Variants in PIK3C2A observed in about 807,000 individuals in gnomAD.
PIK3C2A encodes the protein phosphatidylinositol-4-phosphate 3-kinase catalytic subunit type 2 alpha.
PIK3C2A carries 97 observed loss-of-function variants against 204.5 expected under a neutral mutation model. That is an observed-to-expected ratio of 0.47 (90% CI 0.40 to 0.56). The LOEUF is 0.56. Ranked by LOEUF, PIK3C2A falls within the 20% of genes least tolerant of loss-of-function variation. The pLI, the probability that PIK3C2A is intolerant of heterozygous loss-of-function variation, is 0.00. For synonymous variants in PIK3C2A, 653 were observed against 664.4 expected, an observed-to-expected ratio of 0.98 and a Z score of 0.26; for missense variants, 1,735 against 1,969.2, an observed-to-expected ratio of 0.88 and a Z score of 2.25.
intron 13 of PIK3C2A, among the ~76,000 whole-genome samples, chr11:17,126,598 A>G (rs890446844): frequency 1.8e-4 from 28 of 152,180 alleles, no homozygotes; most frequent in African/African-American, 6.8e-4. Context: ...GTTTCTCTAC[A>G]TGTACTAATG....
intron 2 of PIK3C2A, among the ~76,000 whole-genome samples, chr11:17,163,342 CTTGT>C (rs1850844728): frequency 6.6e-6 from 1 of 152,102 alleles, no homozygotes; most frequent in African/African-American, 2.4e-5. Flanking sequence ...ACAAATAGGA[CTTGT>C]TTAATTTTAA....
At chr11:17,168,554 C>T (rs1365093815) in intron 2 of PIK3C2A, 123 bp downstream of exon 2, 5 of 699,246 alleles carry the variant, frequency 7.2e-6, no homozygotes, top group Non-Finnish European at 1.2e-5. Flanking sequence ...GCACTCCAGC[C>T]TGGGCGACAG....
chr11:17,188,488 T>C (rs868277558), intron 1 of PIK3C2A, among the ~76,000 whole-genome samples: 1 of 147,270 alleles, frequency 6.8e-6, no homozygotes, highest in Middle Eastern at 3.4e-3. Context: ...AAACGTACTG[T>C]AGATGGGGAT....
intron 1 of PIK3C2A, among the ~76,000 whole-genome samples, chr11:17,179,613 A>G (rs1165999836): frequency 6.6e-6 from 1 of 152,194 alleles, no homozygotes; most frequent in East Asian, 1.9e-4. Flanking sequence ...AAGTTACAAA[A>G]AGATTAAATT....
At chr11:17,189,127 C>A (rs1292675693) in intron 1 of PIK3C2A, among the ~76,000 whole-genome samples, 1 of 146,966 alleles carries the variant, frequency 6.8e-6, no homozygotes, top group African/African-American at 2.7e-5. Flanking sequence ...AGGAGAAAGT[C>A]ATAATTCTGC....
intron 27 of PIK3C2A, among the ~76,000 whole-genome samples, 168 bp from the exon 28 acceptor site, chr11:17,094,553 G>A (rs1212734408): frequency 1.3e-5 from 2 of 151,958 alleles, no homozygotes; most frequent in Admixed American, 6.6e-5. Context: ...GTAAAAGCAC[G>A]TCTCTACTAA....
chr11:17,117,993 G>A (rs990560909), intron 18 of PIK3C2A, among the ~76,000 whole-genome samples: 40 of 150,556 alleles, frequency 2.7e-4, no homozygotes, highest in Admixed American at 7.9e-4. Flanking sequence ...GATTACAGGC[G>A]TGAGCCACCA....
At chr11:17,199,101 AGAGT>A (rs537174531) in intron 1 of PIK3C2A, among the ~76,000 whole-genome samples, 168 of 151,296 alleles carry the variant, frequency 1.1e-3, no homozygotes, top group African/African-American at 3.9e-3. Flanking sequence ...CCTGGGCAAC[AGAGT>A]GAGACACCGT....
intron 2 of PIK3C2A, among the ~76,000 whole-genome samples, chr11:17,161,848 T>C (rs953217587): frequency 6.6e-6 from 1 of 152,198 alleles, no homozygotes; most frequent in African/African-American, 2.4e-5. Context: ...AGTTTGTAAG[T>C]AGAGATGAAT....
At chr11:17,101,809 T>A (rs568087414) in intron 24 of PIK3C2A, among the ~76,000 whole-genome samples, 17 of 151,928 alleles carry the variant, frequency 1.1e-4, no homozygotes, top group East Asian at 7.9e-4. Flanking sequence ...TTCACCGTGT[T>A]AGCCAGGATG....
intron 1 of PIK3C2A, among the ~76,000 whole-genome samples, chr11:17,185,370 T>C (rs1851718078): frequency 6.6e-6 from 1 of 152,208 alleles, no homozygotes; most frequent in Non-Finnish European, 1.5e-5. Context: ...CATCAAGATT[T>C]AAGTTCTTGC....
chr11:17,148,964 G>A (rs1338262714), intron 4 of PIK3C2A, among the ~76,000 whole-genome samples, 177 bp from the exon 5 acceptor site: 1 of 152,106 alleles, frequency 6.6e-6, no homozygotes, highest in African/African-American at 2.4e-5. Context: ...ATGGAAAGAG[G>A]TGAAGCTAAT....
At chr11:17,190,749 T>C (rs562777023) in intron 1 of PIK3C2A, among the ~76,000 whole-genome samples, 80 of 151,906 alleles carry the variant, frequency 5.3e-4, no homozygotes, top group African/African-American at 1.7e-3. Flanking sequence ...AGCAGAAGGA[T>C]TGATAAACCC....
In PIK3C2A at chr11:17,129,430, C is replaced by A; in HGVS notation, c.2269G>T (p.Glu757Ter). Residue 757 changes from glutamate (E) to a stop codon, truncating the protein, a stop_gained, in exon 13 of 33, where the codon GAA becomes TAA. Transcript: ENST00000691414. LOFTEE classifies it high-confidence loss of function. ...FPIQISQLPL[E>*]SVLHLTLFGI... ...AAAAGAGTAAGGTGAAGAACTGATT[C>A]TAATGGCAATTGTGATATCTGGATA... is the stretch of plus-strand genomic sequence containing the variant. 2 of 1,609,646 alleles carry A rather than the reference C, an allele frequency of 1.2e-6. No homozygotes were observed. The highest frequency in any genetic ancestry group is 2.2e-5 in the South Asian group (2 of 90,932).
intron 3 of PIK3C2A, among the ~76,000 whole-genome samples, chr11:17,152,974 T>G (rs1276489627): frequency 6.6e-6 from 1 of 151,958 alleles, no homozygotes; most frequent in Non-Finnish European, 1.5e-5. Flanking sequence ...GTTTTTGGGG[T>G]CAAGATACTA....
chr11:17,114,287 A>T (rs1417002411), intron 20 of PIK3C2A, 74 bp downstream of exon 20: 5 of 793,646 alleles, frequency 6.3e-6, no homozygotes, highest in African/African-American at 1.7e-5. Context: ...ATTTGCCTTA[A>T]GCATACCTGC....
intron 1 of PIK3C2A, among the ~76,000 whole-genome samples, chr11:17,174,150 G>A (rs1851263865): frequency 6.6e-6 from 1 of 152,084 alleles, no homozygotes; most frequent in African/African-American, 2.4e-5. Context: ...ACAAGAGGGA[G>A]TGAGGGCTAT....
chr11:17,135,388 A>C (rs1171550153), intron 9 of PIK3C2A, among the ~76,000 whole-genome samples: 1 of 152,202 alleles, frequency 6.6e-6, no homozygotes, highest in Non-Finnish European at 1.5e-5. Flanking sequence ...ATATCACAGA[A>C]ACACAACAAA....
Position 17,168,019 on chromosome 11 carries a change from A to T in PIK3C2A, c.1065+658T>A, listed in dbSNP as rs560874289. Among the ~76,000 whole-genome samples, 27 of 151,094 alleles carry T rather than the reference A, an allele frequency of 1.8e-4. No individual in the cohort carries two copies. The South Asian group carries it at 3.2e-3, about 18-fold the overall frequency. ...AAACCAAAATTTCTTATTTGCATTT[A>T]AAAAAAAACAGGAATAAGGAAGAGA... is the stretch of plus-strand genomic sequence containing the variant. On this transcript the variant is annotated intron_variant, in intron 2 of 32. Coordinates refer to ENST00000691414, the MANE Select transcript of PIK3C2A (RefSeq NM_002645.4).
Sources: allele counts gnomAD v4.1 joint callset (sites outside exome capture counted in the v4.1 genomes callset), GRCh38; gene constraint gnomAD v4.1.1; transcripts MANE v1.5; gene names NCBI Gene and HGNC (gene_info 2026-07-23, HGNC 2026-07-21).